Variants in KSR2 observed in about 807,000 individuals in gnomAD.
The protein encoded by KSR2 is kinase suppressor of ras 2.
Under a neutral mutation model 107.8 loss-of-function variants are expected in KSR2, and 25 were observed. The ratio of observed to expected loss-of-function variants is 0.23; its 90% CI spans 0.17 to 0.32. KSR2 has a LOEUF of 0.32. Ranked by LOEUF, KSR2 falls within the 10% of genes least tolerant of loss-of-function variation. KSR2 has a pLI of 1.00. For missense variants in KSR2, 887 were observed against 1,268.9 expected, an observed-to-expected ratio of 0.70 and a Z score of 4.57; for synonymous variants, 480 against 507.0, an observed-to-expected ratio of 0.95 and a Z score of 0.71.
chr12:117,753,932 G>T (rs1799635655), intron 4 of KSR2, among the ~76,000 whole-genome samples: 1 of 147,778 alleles, frequency 6.8e-6, no homozygotes, highest in African/African-American at 2.5e-5. Context: ...TACTTTTACT[G>T]GGGAAAGTAT....
intron 4 of KSR2, among the ~76,000 whole-genome samples, chr12:117,717,712 T>TGTGTGTGTGTGCGCGCGCGCGC (rs1209120329): frequency 7.3e-6 from 1 of 137,060 alleles, no homozygotes; most frequent in African/African-American, 2.6e-5. Flanking sequence ...TGTGTGTGTG[T>TGTGTGTGTGTGCGCGCGCGCGC]GCATGCGCGC....
chr12:117,806,613 CATTT>C (rs1422184599), intron 3 of KSR2, among the ~76,000 whole-genome samples: 3 of 152,178 alleles, frequency 2.0e-5, no homozygotes, highest in African/African-American at 7.2e-5. Context: ...TACTTAAAAA[CATTT>C]ATATCACCCC....
At chr12:117,845,023 G>A (rs1310843905) in intron 3 of KSR2, among the ~76,000 whole-genome samples, 1 of 152,166 alleles carries the variant, frequency 6.6e-6, no homozygotes, top group African/African-American at 2.4e-5. Flanking sequence ...GCGGGTGCCT[G>A]TAGTCCCAGC....
chr12:117,539,765 G>T lies in KSR2; in HGVS notation c.1641C>A (p.His547Gln). The T allele has an allele frequency of 6.2e-7, 1 of 1,608,894 alleles. No individual in the cohort carries two copies. Among genetic ancestry groups the T allele is most frequent in the Admixed American group, 1.7e-5 (1 of 59,276 alleles). ...GCTGCCGTGTGCACTGTGGGGAAGG[G>T]TGTAGGGGAGAAGGCGGCGTGGCAC... ...PPSATPPSPLHPSPQCTRQQK... is the reference protein window; with the variant it reads ...PPSATPPSPLQPSPQCTRQQK... The change falls in exon 10 of 20, where the codon CAC becomes CAA. Residue 547 changes from histidine to glutamine, a missense_variant. Physicochemically the swap from His to Gln is conservative, Grantham distance 24. This residue lies in a region of KSR2 where 50 missense variants were observed against 43.4 expected (regional missense o/e 1.15). Coordinates refer to ENST00000339824, the MANE Select transcript of KSR2 (RefSeq NM_173598.6).
intron 3 of KSR2, among the ~76,000 whole-genome samples, chr12:117,844,522 C>T (rs1892627853): frequency 6.6e-6 from 1 of 151,202 alleles, no homozygotes; most frequent in Admixed American, 6.6e-5. Context: ...AAAAAGTTGG[C>T]AGTGGGCTAA....
chr12:117,539,713 A>T lies in KSR2; in HGVS notation c.1687+6T>A. On this transcript the variant is annotated splice_donor_region_variant and intron_variant, in intron 10 of 19. Coordinates refer to ENST00000339824, the MANE Select transcript of KSR2 (RefSeq NM_173598.6). The stretch of plus-strand genomic sequence containing the variant: ...ACCCCTCATGTCTCCCCAAGCATGG[A>T]GGTACCTGGCAGGTTGAAGTTCTTC... 1 of 1,595,882 alleles carries T rather than the reference A, an allele frequency of 6.3e-7. No individual in the cohort carries two copies. The highest frequency in any genetic ancestry group is 8.5e-7 in the Non-Finnish European group (1 of 1,172,544).
In KSR2 at chr12:117,733,560, G is replaced by C. The variant is rs570595419; in HGVS notation, c.986+27451C>G. Among the ~76,000 whole-genome samples the C allele has an allele frequency of 3.0e-4, 45 of 152,302 alleles. 1 individual carries two copies. The South Asian group carries it at 6.8e-3, about 23-fold the overall frequency. Reference sequence around the variant, plus strand: ...GGCTGCTTTTGCTCATAACAACAGAGCTGAATGGATACAACAGGGACCATA... The same window carrying C: ...GGCTGCTTTTGCTCATAACAACAGACCTGAATGGATACAACAGGGACCATA... On this transcript the variant is annotated intron_variant, in intron 4 of 19. Coordinates refer to ENST00000339824, the MANE Select transcript of KSR2 (RefSeq NM_173598.6).
chr12:117,948,145 G>C (rs1896254911), intron 1 of KSR2, among the ~76,000 whole-genome samples: 1 of 151,976 alleles, frequency 6.6e-6, no homozygotes, highest in South Asian at 2.1e-4. Context: ...GATTTGACTG[G>C]TCAATTTTAA....
chr12:117,545,000 C>T (rs914559680), intron 9 of KSR2, among the ~76,000 whole-genome samples: 1 of 152,086 alleles, frequency 6.6e-6, no homozygotes. Context: ...GAGGAATTTC[C>T]TCATTTTTAC....
intron 4 of KSR2, chr12:117,674,310 A>G (rs1256596223): frequency 2.0e-6 from 1 of 508,862 alleles, no homozygotes; most frequent in South Asian, 1.5e-5. Flanking sequence ...CCTCGCTGGA[A>G]TCGCAGACTC....
At chr12:117,482,764 C>T (rs1872247705) in intron 16 of KSR2, among the ~76,000 whole-genome samples, 1 of 152,194 alleles carries the variant, frequency 6.6e-6, no homozygotes, top group Non-Finnish European at 1.5e-5. Context: ...CACCCCTTTC[C>T]TCCACCTCAG....
In KSR2 at chr12:117,630,940, A is replaced by G. The variant is rs1338584907; in HGVS notation, c.1171+36534T>C. Among the ~76,000 whole-genome samples, 3 of 152,170 alleles carry G rather than the reference A, an allele frequency of 2.0e-5. No homozygotes were observed. In the East Asian group the frequency reaches 5.8e-4, roughly 29 times the overall value. Reference sequence around the variant, plus strand: ...TTCTCCAAAGACCTGAGGATTCACAATCCAAGCCAATGAGCTCTGTGAGAA... The same window carrying G: ...TTCTCCAAAGACCTGAGGATTCACAGTCCAAGCCAATGAGCTCTGTGAGAA... On this transcript the variant is annotated intron_variant, in intron 5 of 19. Transcript: ENST00000339824.
chr12:117,634,632 C>T (rs1465859466), intron 5 of KSR2, among the ~76,000 whole-genome samples: 4 of 152,110 alleles, frequency 2.6e-5, no homozygotes, highest in African/African-American at 9.7e-5. Context: ...CTAAGAGAAC[C>T]GGCCACAGGG....
rs547841678 is a variant in KSR2 at position 117,856,798 on chromosome 12, T to C, written c.322-1220A>G. ...TTCTAGGGCAGTATTGCGGAATACA[T>C]CTACCCTCTTGTGGTCATGTTTGTG... is the stretch of plus-strand genomic sequence containing the variant. On this transcript the variant is annotated intron_variant, in intron 2 of 19. Transcript: ENST00000339824. 5.3e-5 allele frequency among the ~76,000 whole-genome samples: 8 copies of C among 152,218 alleles called. No individual in the cohort carries two copies. In the South Asian group the frequency reaches 1.7e-3, roughly 32 times the overall value.
chr12:117,779,874 A>C (rs1412437083), intron 3 of KSR2, among the ~76,000 whole-genome samples: 2 of 152,182 alleles, frequency 1.3e-5, no homozygotes, highest in Non-Finnish European at 2.9e-5. Flanking sequence ...AAACAGACAA[A>C]CACACTATCG....
At chr12:117,532,053 TC>T (rs1335730903) in intron 10 of KSR2, among the ~76,000 whole-genome samples, 4 of 152,226 alleles carry the variant, frequency 2.6e-5, no homozygotes, top group Non-Finnish European at 4.4e-5. Context: ...ATTAATTTTT[TC>T]CCCTTTTGGC....
At chr12:117,512,938 AC>A (rs1464406115) in intron 14 of KSR2, among the ~76,000 whole-genome samples, 1 of 152,124 alleles carries the variant, frequency 6.6e-6, no homozygotes, top group African/African-American at 2.4e-5. Context: ...CATCTAGACA[AC>A]AAAAAAAGCA....
chr12:117,821,259 AC>A lies in KSR2; in HGVS notation c.472+34168del, dbSNP rs199968251. Among the ~76,000 whole-genome samples, 1,256 of 152,310 alleles carry A rather than the reference AC, an allele frequency of 8.2e-3. 20 individuals carry two copies. The highest frequency in any genetic ancestry group is 0.028 in the African/African-American group (1,177 of 41,558). On this transcript the variant is annotated intron_variant, in intron 3 of 19. Transcript: ENST00000339824. ...CTAGTATAGTTGATCCTAGAACAAC[AC>A]AGGTTTTAACTGCATGGGTCTACTT...
rs182331665 is a variant in KSR2, at chr12:117,632,930, A to G, written c.1171+34544T>C. On this transcript the variant is annotated intron_variant, in intron 5 of 19. Transcript: ENST00000339824. ...TACATGTACCACATTTTCTGTATCC[A>G]GTCCACTGCTGATGGGCATTGAGGT... 2.0e-3 allele frequency among the ~76,000 whole-genome samples: 307 copies of G among 152,304 alleles called. 1 individual carries two copies. Among genetic ancestry groups the G allele is most frequent in the African/African-American group, 6.6e-3 (273 of 41,580 alleles).
Sources: allele counts gnomAD v4.1 joint callset (sites outside exome capture counted in the v4.1 genomes callset), GRCh38; gene constraint gnomAD v4.1.1; regional missense constraint gnomAD v4.1.1; transcripts MANE v1.5; gene names NCBI Gene and HGNC (gene_info 2026-07-23, HGNC 2026-07-21).